The following ATP11C variants were observed in gnomAD, a reference collection of about 807,000 sequenced individuals.
ATP11C encodes the protein ATPase phospholipid transporting 11C (ATP11C blood group), also known as phospholipid-transporting ATPase IG.
ATP11C carries 36 observed loss-of-function variants against 97.4 expected under a neutral mutation model. The ratio of observed to expected loss-of-function variants is 0.37; its 90% CI spans 0.28 to 0.49. The LOEUF is 0.49. ATP11C is among the 20% of genes least tolerant of loss of function. The probability of loss-of-function intolerance (pLI) is 0.98; values close to 1 mark genes in which losing one functional copy is unlikely to be tolerated. For synonymous variants in ATP11C, 275 were observed against 290.9 expected, an observed-to-expected ratio of 0.95 and a Z score of 0.56; for missense variants, 730 against 824.6, an observed-to-expected ratio of 0.89 and a Z score of 1.40.
intron 26 of ATP11C, among the ~76,000 whole-genome samples, chrX:139,742,283 G>A (rs955144659): frequency 2.7e-5 from 3 of 111,871 alleles, no homozygotes; most frequent in African/African-American, 9.7e-5. Context: ...AAAAGGGTAG[G>A]TGCTACTTCT....
intron 1 of ATP11C, among the ~76,000 whole-genome samples, chrX:139,859,961 C>T (rs1359165507): frequency 1.1e-5 from 1 of 94,359 alleles, no homozygotes; most frequent in African/African-American, 5.4e-5. Context: ...AAAAATTAGC[C>T]GGGCGTAGTG....
chrX:139,761,855 A>G (rs1372834679), intron 22 of ATP11C, 106 bp downstream of exon 22: 1 of 545,655 alleles, frequency 1.8e-6, no homozygotes, highest in Non-Finnish European at 2.6e-6. Context: ...TCAGTATGAG[A>G]TATCAAAAGC....
At chrX:139,831,174 G>C (rs1160439814) in intron 1 of ATP11C, among the ~76,000 whole-genome samples, 2 of 111,592 alleles carry the variant, frequency 1.8e-5, no homozygotes, top group Admixed American at 9.5e-5. Context: ...TTTTGCCAAA[G>C]GAAGTGAAGC....
intron 1 of ATP11C, chrX:139,832,241 T>C (rs780153459): frequency 1.2e-5 from 14 of 1,198,179 alleles, no homozygotes; most frequent in South Asian, 3.7e-5. Flanking sequence ...TCAGAGAGAA[T>C]GCTGCAGATT....
At chrX:139,824,239 C>A (rs1439102537) in intron 2 of ATP11C, among the ~76,000 whole-genome samples, 1 of 108,830 alleles carries the variant, frequency 9.2e-6, no homozygotes, top group African/African-American at 3.4e-5. Context: ...AAATTCATAG[C>A]AGAGTACAAT....
At chrX:139,900,762 G>T (rs2084887917) in intron 1 of ATP11C, among the ~76,000 whole-genome samples, 1 of 112,229 alleles carries the variant, frequency 8.9e-6, no homozygotes, top group South Asian at 3.7e-4. Flanking sequence ...TTGTAAATAG[G>T]TAAGGAGGTG....
chrX:139,885,937 AAC>A (rs746296745), intron 1 of ATP11C, among the ~76,000 whole-genome samples: 12 of 111,521 alleles, frequency 1.1e-4, no homozygotes, highest in Admixed American at 3.8e-4. Flanking sequence ...TTAATAATAA[AAC>A]ACAAAATGAT....
intron 23 of ATP11C, 101 bp from the exon 24 acceptor site, chrX:139,750,253 ATTTT>A: frequency 1.2e-6 from 1 of 807,800 alleles, no homozygotes; most frequent in Non-Finnish European, 1.7e-6. Flanking sequence ...AAAATAAGAA[ATTTT>A]TTTACATGCT....
In ATP11C at chrX:139,865,761, C is replaced by CA. The variant is rs1275882581; in HGVS notation, c.28-38939dup. On this transcript the variant is annotated intron_variant, in intron 1 of 29. Coordinates refer to ENST00000682941, the MANE Select transcript of ATP11C (RefSeq NM_001353812.2). The stretch of plus-strand genomic sequence containing the variant: ...GGGTGACAGAGCGAGACCCTGTCCC[C>CA]AAAAAAAATAAATAAATAAATAAAT... Among the ~76,000 whole-genome samples the CA allele has an allele frequency of 4.6e-5, 5 of 109,112 alleles. No homozygotes were observed. In the East Asian group the frequency reaches 8.7e-4, roughly 19 times the overall value. 94.8% of individuals were successfully genotyped at this position (109,112 alleles called of 115,157 possible).
chrX:139,777,229 G>A (rs373320491), intron 18 of ATP11C, among the ~76,000 whole-genome samples: 3 of 110,395 alleles, frequency 2.7e-5, no homozygotes, highest in East Asian at 5.7e-4. Context: ...AATATGGATT[G>A]CAAGGCAACT....
At chrX:139,856,424 C>T (rs140012072) in intron 1 of ATP11C, among the ~76,000 whole-genome samples, 1,552 of 112,665 alleles carry the variant, frequency 0.014, 14 homozygotes, top group Non-Finnish European at 0.022. Context: ...AAAAGCTTAC[C>T]AATCAGTCAG....
intron 1 of ATP11C, 50 bp downstream of exon 1, chrX:139,931,966 C>A (rs1275982942): frequency 1.8e-6 from 2 of 1,139,000 alleles, no homozygotes; most frequent in African/African-American, 1.8e-5. Flanking sequence ...GGCGAAGGGG[C>A]TGGCGAGCAA....
At chrX:139,819,533 T>TA (rs1454624511) in intron 2 of ATP11C, 106 bp from the exon 3 acceptor site, 1 of 332,701 alleles carries the variant, frequency 3.0e-6, no homozygotes, top group African/African-American at 2.6e-5. Flanking sequence ...TGATATTTAG[T>TA]ATGTCCAACA....
rs2084237452 is a variant in ATP11C, at chrX:139,863,645, G to C, written c.28-36822C>G. ...CTTGATTCAAATTTAAACAATTGAT[G>C]ACACATACAAATACTGCTCCAGAGT... On this transcript the variant is annotated intron_variant, in intron 1 of 29. Coordinates refer to ENST00000682941, the MANE Select transcript of ATP11C (RefSeq NM_001353812.2). Among the ~76,000 whole-genome samples the C allele has an allele frequency of 8.0e-5, 9 of 112,111 alleles. No individual in the cohort carries two copies. In the South Asian group the frequency reaches 3.3e-3, roughly 42 times the overall value.
rs1331519847 is a variant in ATP11C, at chrX:139,741,955, AG to A, written c.3031-862del. Among the ~76,000 whole-genome samples the A allele has an allele frequency of 2.7e-5, 3 of 111,902 alleles. No individual in the cohort carries two copies. The Admixed American group carries it at 2.8e-4, about 11-fold the overall frequency. On this transcript the variant is annotated intron_variant, in intron 26 of 29. Transcript: ENST00000682941. ...CTGTTATAGTTTCTCATTTATAAAC[AG>A]GATGTTGATAACATTATTAATGTAG...
chrX:139,933,346 G>A (rs1340391265), upstream of ATP11C, among the ~76,000 whole-genome samples: 1 of 111,937 alleles, frequency 8.9e-6, no homozygotes, highest in African/African-American at 3.2e-5. Context: ...GGACATGTGA[G>A]AAGGCTAAAT....
intron 1 of ATP11C, among the ~76,000 whole-genome samples, chrX:139,858,901 CCA>C (rs1251341617): frequency 8.9e-6 from 1 of 112,140 alleles, no homozygotes; most frequent in African/African-American, 3.2e-5. Flanking sequence ...CATTGTGCAA[CCA>C]TCACCACAAT....
At chrX:139,935,851 G>A (rs769796441), upstream of ATP11C, among the ~76,000 whole-genome samples, 64 of 111,209 alleles carry the variant, frequency 5.8e-4, 1 homozygote, top group African/African-American at 2.0e-3. Context: ...TTAGCTGGGC[G>A]TGGTGGCACG....
At chrX:139,858,693 A>G (rs1261608122) in intron 1 of ATP11C, among the ~76,000 whole-genome samples, 1 of 112,476 alleles carries the variant, frequency 8.9e-6, no homozygotes, top group African/African-American at 3.2e-5. Context: ...TATTATCCCC[A>G]TTGTACAGAT....
Sources: gnomAD v4.1 joint callset for allele counts (sites outside exome capture counted in the v4.1 genomes callset) on GRCh38, gnomAD v4.1.1 for gene constraint, MANE v1.5 for transcripts, NCBI Gene and HGNC (gene_info 2026-07-23, HGNC 2026-07-21) for gene names.